ATRN: variants seen among roughly 807,000 people sequenced by gnomAD.
ATRN encodes the protein attractin.
In ATRN, 54 loss-of-function variants were observed where a neutral mutation model predicts 178.7. The observed-to-expected ratio is 0.30, with a 90% CI of 0.24 to 0.38. The LOEUF is 0.38. ATRN is among the 10% of genes least tolerant of loss of function. ATRN has a pLI of 1.00. For missense variants in ATRN, 1,443 were observed against 1,815.1 expected, an observed-to-expected ratio of 0.79 and a Z score of 3.73; for synonymous variants, 636 against 663.0, an observed-to-expected ratio of 0.96 and a Z score of 0.63.
intron 24 of ATRN, among the ~76,000 whole-genome samples, chr20:3,615,467 CA>C (rs571493803): frequency 2.6e-5 from 4 of 151,276 alleles, no homozygotes; most frequent in Admixed American, 2.6e-4. Context: ...ATGAAACCCA[CA>C]AGGCTGTACA....
intron 3 of ATRN, among the ~76,000 whole-genome samples, chr20:3,544,781 C>T (rs1458596294): frequency 1.3e-5 from 2 of 150,898 alleles, no homozygotes; most frequent in Non-Finnish European, 2.9e-5. Context: ...GGTATTATGG[C>T]TCTAGAGTCT....
intron 1 of ATRN, among the ~76,000 whole-genome samples, chr20:3,473,096 A>G (rs1457604066): frequency 6.6e-6 from 1 of 152,226 alleles, no homozygotes; most frequent in African/African-American, 2.4e-5. Flanking sequence ...CCATTAACCT[A>G]CATGTATTTG....
intron 1 of ATRN, among the ~76,000 whole-genome samples, chr20:3,493,091 A>G (rs928791790): frequency 9.8e-5 from 14 of 142,934 alleles, no homozygotes; most frequent in Admixed American, 2.2e-4. Context: ...TTTAATATAT[A>G]TAATATATAT....
chr20:3,567,122 G>A (rs1297539535), intron 11 of ATRN, among the ~76,000 whole-genome samples: 1 of 152,126 alleles, frequency 6.6e-6, no homozygotes, highest in Non-Finnish European at 1.5e-5. Flanking sequence ...TTGCTAATTT[G>A]AAGTGTTATT....
rs2146279706 is a variant in ATRN at position 3,596,393 on chromosome 20, C to T, written c.3433C>T (p.Arg1145Ter). 1 of 1,613,472 alleles carries T rather than the reference C, an allele frequency of 6.2e-7. No individual in the cohort carries two copies. Reference sequence around the variant, plus strand: ...CCCCCCCAGATGTGAGGTAGAAAATCGATACCAAGGAAACCCTCTCAGAGG... The same window carrying T: ...CCCCCCCAGATGTGAGGTAGAAAATTGATACCAAGGAAACCCTCTCAGAGG... Reference protein sequence around the residue: ...DECQLCEVENRYQGNPLRGTC... With the variant: ...DECQLCEVEN Residue 1145 changes from arginine (R) to a stop codon, truncating the protein, a stop_gained, in exon 21 of 29, where the codon CGA becomes TGA. Coordinates refer to ENST00000262919, the MANE Select transcript of ATRN (RefSeq NM_139321.3). LOFTEE classifies it high-confidence loss of function.
At chr20:3,533,750 G>A (rs1002437710) in intron 1 of ATRN, among the ~76,000 whole-genome samples, 1 of 152,020 alleles carries the variant, frequency 6.6e-6, no homozygotes, top group African/African-American at 2.4e-5. Flanking sequence ...TTTTCTGACA[G>A]TTGCATTAAA....
At chr20:3,483,402 A>C (rs1178749375) in intron 1 of ATRN, among the ~76,000 whole-genome samples, 1 of 152,152 alleles carries the variant, frequency 6.6e-6, no homozygotes, top group East Asian at 1.9e-4. Flanking sequence ...GCTAGAGTGC[A>C]GTGATGTAAT....
chr20:3,590,308 C>G (rs1023487441), intron 18 of ATRN, among the ~76,000 whole-genome samples: 5 of 152,186 alleles, frequency 3.3e-5, no homozygotes, highest in African/African-American at 1.2e-4. Flanking sequence ...AAGTACAAGG[C>G]TATGGAAGGT....
rs890708060 is a variant in ATRN, at chr20:3,632,771, A to C, written c.3864-1540A>C. Among the ~76,000 whole-genome samples, 1 of 152,216 alleles carries C rather than the reference A, an allele frequency of 6.6e-6. No individual in the cohort carries two copies. The highest frequency in any genetic ancestry group is 2.4e-5 in the African/African-American group (1 of 41,446). On this transcript the variant is annotated intron_variant, in intron 25 of 28. Transcript: ENST00000262919. This position sits in a 1 kb window ranked among gnomAD's most constrained non-coding sequence, Gnocchi z 4.2. ...CTCCACCTGCTGGAATGTAAATTCC[A>C]TGGGACAGTAATCTTTGCTCTGTTT...
chr20:3,562,326 G>T lies in ATRN; in HGVS notation c.1498G>T (p.Gly500Cys), dbSNP rs200888866. Residue 500 changes from glycine to cysteine, a missense_variant, in exon 9 of 29, where the codon GGT becomes TGT. Physicochemically the swap from Gly to Cys is radical, Grantham distance 159. Coordinates refer to ENST00000262919, the MANE Select transcript of ATRN (RefSeq NM_139321.3). The part of the protein sequence containing the change: ...LHTQGALVQG[G>C]YGHSSVYDHR... ...CACCCAGGGTGCCCTTGTGCAAGGG[G>T]GTTACGGCCATAGCAGTGTTTACGA... is the stretch of plus-strand genomic sequence containing the variant. 4 of 1,614,046 alleles carry T rather than the reference G, an allele frequency of 2.5e-6. No individual in the cohort carries two copies. The South Asian group carries it at 3.3e-5, about 13-fold the overall frequency.
chr20:3,541,074 G>A lies in ATRN; in HGVS notation c.608+739G>A, dbSNP rs1185383129. ...AGTTTTCTTCCTTTTACATGATAGAGGATTTTTTTTTTTTTTTTTTTGAGA... is the reference window on the plus strand; with the variant it reads ...AGTTTTCTTCCTTTTACATGATAGAAGATTTTTTTTTTTTTTTTTTTGAGA... On this transcript the variant is annotated intron_variant, in intron 3 of 28. Transcript: ENST00000262919. Among the ~76,000 whole-genome samples, 5 of 139,936 alleles carry A rather than the reference G, an allele frequency of 3.6e-5. No homozygotes were observed. The East Asian group carries it at 1.0e-3, about 29-fold the overall frequency. 91.8% of individuals were successfully genotyped at this position (139,936 alleles called of 152,430 possible). A position where few individuals can be genotyped will look rare whatever the true frequency, so the allele number is the denominator to read the frequency against.
At chr20:3,492,848 GAGA>G (rs1201317429) in intron 1 of ATRN, among the ~76,000 whole-genome samples, 5 of 130,006 alleles carry the variant, frequency 3.8e-5, no homozygotes, top group African/African-American at 1.5e-4. Context: ...GAGAGAGAGA[GAGA>G]GAGGCGCGCG....
At chr20:3,557,303 A>C (rs2085890722) in intron 6 of ATRN, among the ~76,000 whole-genome samples, 1 of 152,244 alleles carries the variant, frequency 6.6e-6, no homozygotes, top group African/African-American at 2.4e-5. Flanking sequence ...GCTTCCAGGC[A>C]GAAAAGCAAA....
intron 21 of ATRN, among the ~76,000 whole-genome samples, chr20:3,597,067 T>C (rs1168254293): frequency 7.4e-6 from 1 of 135,254 alleles, no homozygotes; most frequent in Non-Finnish European, 1.6e-5. Flanking sequence ...TTCATATATA[T>C]ATATATAAAA....
intron 25 of ATRN, among the ~76,000 whole-genome samples, chr20:3,625,284 C>T (rs1310010333): frequency 6.6e-6 from 1 of 152,150 alleles, no homozygotes; most frequent in African/African-American, 2.4e-5. Context: ...TAGCATCTCC[C>T]CTCACACCAC....
At chr20:3,542,247 T>A (rs2085632653) in intron 3 of ATRN, among the ~76,000 whole-genome samples, 1 of 152,182 alleles carries the variant, frequency 6.6e-6, no homozygotes, top group African/African-American at 2.4e-5. Flanking sequence ...TAGTACTTGT[T>A]GGGGATTCAC....
At chr20:3,537,487 C>CT (rs1301975151) in intron 2 of ATRN, among the ~76,000 whole-genome samples, 22 of 141,272 alleles carry the variant, frequency 1.6e-4, no homozygotes, top group African/African-American at 4.9e-4. Context: ...ATATTTTTTT[C>CT]TTGTTTTTTT....
intron 10 of ATRN, among the ~76,000 whole-genome samples, chr20:3,564,830 C>A (rs574965092): frequency 2.0e-5 from 3 of 152,206 alleles, no homozygotes; most frequent in East Asian, 3.9e-4. Context: ...CTTTGGGAGG[C>A]CCAGGTGGGC....
intron 25 of ATRN, among the ~76,000 whole-genome samples, chr20:3,631,686 G>GA (rs1307782465): frequency 1.3e-5 from 2 of 152,200 alleles, no homozygotes; most frequent in Admixed American, 1.3e-4. Flanking sequence ...AGCAGGCACA[G>GA]ACTGTATTAC....
Sources: allele counts gnomAD v4.1 joint callset (sites outside exome capture counted in the v4.1 genomes callset), GRCh38; gene constraint gnomAD v4.1.1; non-coding constraint Gnocchi (gnomAD v3.1); transcripts MANE v1.5; gene names NCBI Gene and HGNC (gene_info 2026-07-23, HGNC 2026-07-21).